Variants in SLC9A4 observed in about 807,000 individuals in gnomAD.
SLC9A4 encodes solute carrier family 9 member A4.
Under a neutral mutation model 67.4 loss-of-function variants are expected in SLC9A4, and 63 were observed. The ratio of observed to expected loss-of-function variants is 0.93; its 90% CI spans 0.76 to 1.15. SLC9A4 has a LOEUF of 1.15. Ranked by LOEUF, SLC9A4 falls within the 50% of genes most tolerant of loss-of-function variation. SLC9A4 has a pLI of 0.00. For missense variants in SLC9A4, 1,089 were observed against 987.7 expected (o/e 1.10, Z -1.38); for synonymous variants, 393 against 367.2 (o/e 1.07, Z -0.80).
chr2:102,490,389 G>A (rs1684671472), intron 2 of SLC9A4, among the ~76,000 whole-genome samples: 1 of 152,190 alleles, frequency 6.6e-6, no homozygotes, highest in Admixed American at 6.5e-5. Context: ...TTCTGTTGAG[G>A]CCTCATTCCT....
At chr2:102,503,413 A>G (rs1252211445) in intron 2 of SLC9A4, 35 bp from the exon 3 acceptor site, 44 of 1,517,210 alleles carry the variant, frequency 2.9e-5, no homozygotes, top group Non-Finnish European at 3.8e-5. Context: ...GTTTCTATTC[A>G]TAATTCATAT....
intron 2 of SLC9A4, among the ~76,000 whole-genome samples, chr2:102,479,893 T>C (rs1048503132): frequency 1.4e-4 from 21 of 152,102 alleles, no homozygotes; most frequent in Admixed American, 3.9e-4. Flanking sequence ...GAGAAGAACA[T>C]ACAGGCTTGA....
intron 6 of SLC9A4, among the ~76,000 whole-genome samples, chr2:102,511,887 G>T (rs1425114449): frequency 6.6e-6 from 1 of 151,850 alleles, no homozygotes; most frequent in East Asian, 1.9e-4. Flanking sequence ...TCCTCCGAGT[G>T]ATTTCAGTAA....
intron 1 of SLC9A4, 90 bp downstream of exon 1, chr2:102,474,105 T>G (rs1015579857): frequency 2.8e-6 from 4 of 1,437,436 alleles, no homozygotes; most frequent in Non-Finnish European, 3.8e-6. Context: ...GCTAAGAGGA[T>G]TTTAACTGTT....
At chr2:102,493,814 A>G (rs1684753416) in intron 2 of SLC9A4, among the ~76,000 whole-genome samples, 1 of 151,852 alleles carries the variant, frequency 6.6e-6, no homozygotes, top group Admixed American at 6.5e-5. Flanking sequence ...CTAGTCATCT[A>G]TTCCAAATCA....
chr2:102,509,063 C>A (rs1685106232), intron 6 of SLC9A4, 130 bp downstream of exon 6: 2 of 761,478 alleles, frequency 2.6e-6, no homozygotes, highest in Non-Finnish European at 4.3e-6. Context: ...GTATAAGTTT[C>A]CTATGGCTGC....
intron 8 of SLC9A4, among the ~76,000 whole-genome samples, chr2:102,517,737 A>G (rs1278370862): frequency 6.6e-6 from 1 of 152,266 alleles, no homozygotes; most frequent in Non-Finnish European, 1.5e-5. Flanking sequence ...ATCAATATAA[A>G]AGATAAGTAA....
intron 2 of SLC9A4, among the ~76,000 whole-genome samples, chr2:102,500,702 T>A (rs1270109476): frequency 6.6e-6 from 1 of 152,188 alleles, no homozygotes; most frequent in Non-Finnish European, 1.5e-5. Context: ...ACAAAAAGTG[T>A]ACAGTTACAT....
intron 2 of SLC9A4, among the ~76,000 whole-genome samples, chr2:102,488,918 TA>T (rs1363820962): frequency 4.6e-5 from 7 of 152,200 alleles, no homozygotes; most frequent in African/African-American, 1.7e-4. Flanking sequence ...CCCTGAGTTC[TA>T]ATCCTCCATC....
intron 6 of SLC9A4, among the ~76,000 whole-genome samples, chr2:102,509,545 A>G (rs1191383752): frequency 1.3e-5 from 2 of 152,226 alleles, no homozygotes; most frequent in Non-Finnish European, 2.9e-5. Context: ...CCAAAGATTC[A>G]TATCTGTTCC....
intron 2 of SLC9A4, among the ~76,000 whole-genome samples, chr2:102,498,325 T>A (rs755866366): frequency 6.6e-6 from 1 of 152,256 alleles, no homozygotes; most frequent in Non-Finnish European, 1.5e-5. Flanking sequence ...GAAACTGCCA[T>A]GGCATCTTCC....
Position 102,477,341 on chromosome 2 carries a change from T to C in SLC9A4, c.257-1498T>C, listed in dbSNP as rs551401511. Among the ~76,000 whole-genome samples, 8 of 152,352 alleles carry C rather than the reference T, an allele frequency of 5.3e-5. No homozygotes were observed. In the East Asian group the frequency reaches 1.5e-3, roughly 29 times the overall value. On this transcript the variant is annotated intron_variant, in intron 1 of 11. Coordinates refer to ENST00000295269, the MANE Select transcript of SLC9A4 (RefSeq NM_001011552.4). ...AATTTCTCCCATTCTGTCACCCAAATATGCAAATCCTCATCATTCTCCAAC... is the reference window on the plus strand; with the variant it reads ...AATTTCTCCCATTCTGTCACCCAAACATGCAAATCCTCATCATTCTCCAAC...
chr2:102,478,737 A>T, intron 1 of SLC9A4, 102 bp from the exon 2 acceptor site: 1 of 1,147,690 alleles, frequency 8.7e-7, no homozygotes, highest in Non-Finnish European at 1.2e-6. Flanking sequence ...CTGAGATGCC[A>T]GTCAGCTTGT....
chr2:102,521,147 T>C (rs530245743), intron 9 of SLC9A4, among the ~76,000 whole-genome samples: 4 of 152,274 alleles, frequency 2.6e-5, no homozygotes, highest in Admixed American at 2.0e-4. Flanking sequence ...CCAGAACCCA[T>C]AGGGTACCTG....
chr2:102,512,340 A>G, intron 7 of SLC9A4, 67 bp downstream of exon 7: 1 of 1,549,832 alleles, frequency 6.5e-7, no homozygotes. Context: ...TGGGCATAAA[A>G]TCAGAGAGAA....
intron 2 of SLC9A4, among the ~76,000 whole-genome samples, chr2:102,489,380 G>C (rs1004540097): frequency 1.1e-4 from 17 of 152,130 alleles, no homozygotes; most frequent in African/African-American, 4.1e-4. Flanking sequence ...AAATTGTTCG[G>C]TAGTTATAGA....
intron 6 of SLC9A4, among the ~76,000 whole-genome samples, chr2:102,511,225 T>A (rs1284495135): frequency 6.6e-6 from 1 of 152,218 alleles, no homozygotes; most frequent in Non-Finnish European, 1.5e-5. Flanking sequence ...GGAAATTTGG[T>A]TATTTAAATT....
intron 9 of SLC9A4, among the ~76,000 whole-genome samples, chr2:102,521,789 G>A (rs963220449): frequency 1.3e-5 from 2 of 152,206 alleles, no homozygotes; most frequent in African/African-American, 2.4e-5. Flanking sequence ...ATAGATGCAG[G>A]CCTGGTAGCC....
chr2:102,525,016 CT>C lies in SLC9A4; in HGVS notation c.1819-7del. 6.2e-7 allele frequency: 1 copy of C among 1,613,770 alleles called. No homozygotes were observed. The highest frequency in any genetic ancestry group is 2.2e-5 in the East Asian group (1 of 44,868). ...CCTTACGTATTTGACATTCCATTTT[CT>C]CTGCAGACCCTGTCCTACAACAAAT... On this transcript the variant is annotated splice_polypyrimidine_tract_variant and splice_region_variant and intron_variant, in intron 9 of 11. Transcript: ENST00000295269.
Sources: gnomAD v4.1 joint callset for allele counts (sites outside exome capture counted in the v4.1 genomes callset) on GRCh38, gnomAD v4.1.1 for gene constraint, MANE v1.5 for transcripts, NCBI Gene and HGNC (gene_info 2026-07-23, HGNC 2026-07-21) for gene names.